CUX1: variants seen among roughly 807,000 people sequenced by gnomAD.
CUX1 encodes the protein protein CASP.
A neutral mutation model predicts 158.8 loss-of-function variants in CUX1; 31 were observed. The observed-to-expected ratio is 0.20, with a 90% confidence interval of 0.15 to 0.26. The LOEUF is 0.26. Ranked by LOEUF, CUX1 falls within the 10% of genes least tolerant of loss-of-function variation. CUX1 has a pLI of 1.00. For synonymous variants in CUX1, 879 were observed against 862.1 expected, an observed-to-expected ratio of 1.02 and a Z score of -0.34; for missense variants, 1,589 against 2,014.6, an observed-to-expected ratio of 0.79 and a Z score of 4.04.
chr7:102,110,954 A>T (rs1830823263), intron 6 of CUX1, among the ~76,000 whole-genome samples: 2 of 152,210 alleles, frequency 1.3e-5, no homozygotes, highest in Admixed American at 1.3e-4. Context: ...ATACATGAAA[A>T]TATTAACAGT....
chr7:102,251,075 T>C lies in CUX1; in HGVS notation c.*2033T>C, dbSNP rs1275256761. 3 of 985,132 alleles carry C rather than the reference T, an allele frequency of 3.0e-6. No individual in the cohort carries two copies. The highest frequency in any genetic ancestry group is 3.6e-6 in the Non-Finnish European group (3 of 829,840). The allele number at this position is 985,132 out of a possible 1,614,324, so 61.0% of individuals were successfully genotyped here. A position where few individuals can be genotyped will look rare whatever the true frequency, so the allele number is the denominator to read the frequency against. On this transcript the variant is annotated 3_prime_UTR_variant, in exon 24 of 24. Transcript: ENST00000292535. Reference sequence around the variant, plus strand: ...TTAGAGGGATAGACTGCCGGCAGTATTGGGTATAATTTACAAGATGTAGTT... The same window carrying C: ...TTAGAGGGATAGACTGCCGGCAGTACTGGGTATAATTTACAAGATGTAGTT...
chr7:101,930,580 G>T (rs1806172774), intron 2 of CUX1, among the ~76,000 whole-genome samples: 1 of 152,230 alleles, frequency 6.6e-6, no homozygotes. Flanking sequence ...GCAAATGTGA[G>T]TGGCATAAAA....
chr7:102,260,570 C>CTTTTTT (rs55642237), downstream of CUX1, among the ~76,000 whole-genome samples: 325 of 51,054 alleles, frequency 6.4e-3, 2 homozygotes, highest in South Asian at 0.011. Context: ...CCACACCTGG[C>CTTTTTT]TTTTTTTTTT....
chr7:102,227,983 C>G (rs1406242043), intron 21 of CUX1, among the ~76,000 whole-genome samples: 2 of 122,880 alleles, frequency 1.6e-5, no homozygotes, highest in Non-Finnish European at 3.2e-5. Flanking sequence ...GACAGTCTTG[C>G]TCTGTCACCC....
chr7:102,185,638 C>T (rs1194248367), intron 11 of CUX1, among the ~76,000 whole-genome samples: 1 of 148,618 alleles, frequency 6.7e-6, no homozygotes, highest in Non-Finnish European at 1.5e-5. Flanking sequence ...CGGGGTCTTG[C>T]TATGTTGTCG....
At chr7:102,005,918 A>G (rs1277337902) in intron 2 of CUX1, among the ~76,000 whole-genome samples, 1 of 152,184 alleles carries the variant, frequency 6.6e-6, no homozygotes, top group Non-Finnish European at 1.5e-5. Context: ...TTTTACCAAA[A>G]CCAGAGGGTC....
intron 3 of CUX1, among the ~76,000 whole-genome samples, chr7:102,032,706 G>A (rs955547596): frequency 1.3e-5 from 2 of 151,848 alleles, no homozygotes; most frequent in African/African-American, 4.8e-5. Context: ...AAAAGTTTCA[G>A]ATAATGAAAT....
Position 102,196,744 on chromosome 7 carries a change from A to T in CUX1, c.1333A>T (p.Thr445Ser), listed in dbSNP as rs1554518463. Residue 445 changes from threonine to serine, a missense_variant, in exon 15 of 24, where the codon ACT (threonine) becomes TCT (serine). Around this residue, in one of 8 missense-constraint regions of CUX1, gnomAD observed 515 missense variants for 574.4 expected, o/e 0.90. Transcript: ENST00000292535. ...PRNPGEQASN[T>S]NGTHQFSPAG... Reference sequence around the variant, plus strand: ...CAACCCGGGGGAGCAGGCTTCCAATACTAATGGTACACACCAGTTCTCACC... The same window carrying T: ...CAACCCGGGGGAGCAGGCTTCCAATTCTAATGGTACACACCAGTTCTCACC... 6.2e-7 allele frequency: 1 copy of T among 1,613,832 alleles called. No homozygotes were observed. The highest frequency in any genetic ancestry group is 8.5e-7 in the Non-Finnish European group (1 of 1,179,908).
At chr7:102,137,185 T>C (rs1247070622) in intron 8 of CUX1, among the ~76,000 whole-genome samples, 2 of 152,190 alleles carry the variant, frequency 1.3e-5, no homozygotes, top group Non-Finnish European at 2.9e-5. Flanking sequence ...TCCCTTTCCA[T>C]GTTAATCAAA....
chr7:101,953,757 C>T (rs1363902782), intron 2 of CUX1, among the ~76,000 whole-genome samples: 1 of 151,634 alleles, frequency 6.6e-6, no homozygotes, highest in Non-Finnish European at 1.5e-5. Flanking sequence ...TTTTGTCTCA[C>T]GACTGGAGGG....
At chr7:102,077,018 AG>A (rs1414662362) in intron 4 of CUX1, among the ~76,000 whole-genome samples, 1 of 150,646 alleles carries the variant, frequency 6.6e-6, no homozygotes, top group Non-Finnish European at 1.5e-5. Flanking sequence ...TGGGTGACAG[AG>A]TGGGACCCTG....
At chr7:102,054,240 G>T (rs564372942) in intron 3 of CUX1, among the ~76,000 whole-genome samples, 1 of 152,178 alleles carries the variant, frequency 6.6e-6, no homozygotes, top group Non-Finnish European at 1.5e-5. Context: ...CTAATCCAAG[G>T]TCATAAAGGT....
At chr7:101,969,223 T>A (rs922671290) in intron 2 of CUX1, among the ~76,000 whole-genome samples, 1 of 151,840 alleles carries the variant, frequency 6.6e-6, no homozygotes, top group Non-Finnish European at 1.5e-5. Flanking sequence ...TACTTTCAGC[T>A]ACCCAGGAGG....
chr7:102,249,592 A>G lies in CUX1; in HGVS notation c.*550A>G. 1 of 985,712 alleles carries G rather than the reference A, an allele frequency of 1.0e-6. No individual in the cohort carries two copies. Among genetic ancestry groups the G allele is most frequent in the Non-Finnish European group, 1.2e-6 (1 of 829,924 alleles). The allele number at this position is 985,712 out of a possible 1,614,324, so 61.1% of individuals were successfully genotyped here. ...CTTTAAAAGAAAAAAAATCAAACCC[A>G]CATATTAAAAGGGGGCTTTTTATCT... On this transcript the variant is annotated 3_prime_UTR_variant, in exon 24 of 24. Transcript: ENST00000292535.
At chr7:101,928,998 A>T (rs1805979080) in intron 2 of CUX1, among the ~76,000 whole-genome samples, 1 of 151,476 alleles carries the variant, frequency 6.6e-6, no homozygotes, top group Non-Finnish European at 1.5e-5. Context: ...TATAAATGTG[A>T]CGGAGGGCAG....
At position 101,869,436 on chromosome 7, in the gene CUX1, G is replaced by T. The variant is rs926421580; in HGVS notation, c.31-46679G>T. Among the ~76,000 whole-genome samples the T allele has an allele frequency of 4.6e-5, 7 of 152,306 alleles. No homozygotes were observed. The East Asian group carries it at 1.4e-3, about 29-fold the overall frequency. On this transcript the variant is annotated intron_variant, in intron 1 of 23. Coordinates refer to ENST00000292535, the MANE Select transcript of CUX1 (RefSeq NM_181552.4). The surrounding 1 kb of genome is among the most constrained non-coding windows in gnomAD (Gnocchi z 4.5). ...AGGGGAAAGGTCGGAATTGGCCACAGGTCTCCTAATGCCTGGCATGTGCGT... is the reference window on the plus strand; with the variant it reads ...AGGGGAAAGGTCGGAATTGGCCACATGTCTCCTAATGCCTGGCATGTGCGT...
chr7:102,277,810 G>C (rs1256292817), intron 17 of CUX1: 28 of 471,572 alleles, frequency 5.9e-5, no homozygotes, highest in Non-Finnish European at 9.1e-5. Flanking sequence ...GGCCACAGTG[G>C]GGGAAGGGGC....
intron 8 of CUX1, chr7:102,154,240 G>T (rs1439219774): frequency 6.6e-6 from 1 of 152,174 alleles, no homozygotes; most frequent in African/African-American, 2.4e-5. Context: ...TATAGATGTA[G>T]ATGTTAGAAA....
Position 101,832,127 on chromosome 7 carries a change from C to T in CUX1, c.30+14458C>T, listed in dbSNP as rs146584540. 2.4e-4 allele frequency among the ~76,000 whole-genome samples: 37 copies of T among 152,174 alleles called. 1 individual carries two copies. The East Asian group carries it at 4.6e-3, about 19-fold the overall frequency. ...CCTTCTGGAAGCCCCACATGGAAGG[C>T]GGGCTAGAGTGAGGAGGGAGGGGTG... On this transcript the variant is annotated intron_variant, in intron 1 of 23. Coordinates refer to ENST00000292535, the MANE Select transcript of CUX1 (RefSeq NM_181552.4).
Sources: allele counts gnomAD v4.1 joint callset (sites outside exome capture counted in the v4.1 genomes callset), GRCh38; gene constraint gnomAD v4.1.1; regional missense constraint gnomAD v4.1.1; non-coding constraint Gnocchi (gnomAD v3.1); transcripts MANE v1.5; gene names NCBI Gene and HGNC (gene_info 2026-07-23, HGNC 2026-07-21).